Variants in PLIN4 observed in about 807,000 individuals in gnomAD.
The protein encoded by PLIN4 is perilipin-4.
In PLIN4, 57 loss-of-function variants were observed where a neutral mutation model predicts 52.4. That is an observed-to-expected ratio of 1.09 (90% CI 0.88 to 1.36). The LOEUF (loss-of-function observed/expected upper bound fraction) is 1.36. Among genes scored for constraint, PLIN4 ranks in the 40% most tolerant of loss-of-function variants. The pLI, the probability that PLIN4 is intolerant of heterozygous loss-of-function variation, is 0.00. For synonymous variants in PLIN4, 826 were observed against 785.4 expected, an observed-to-expected ratio of 1.05 and a Z score of -0.86; for missense variants, 1,757 against 1,770.3, an observed-to-expected ratio of 0.99 and a Z score of 0.13.
chr19:4,504,979 C>T, intron 6 of PLIN4, 32 bp from the exon 7 acceptor site: 1 of 1,563,722 alleles, frequency 6.4e-7, no homozygotes, highest in South Asian at 1.2e-5. Flanking sequence ...GAAATGATGG[C>T]TTCTTGGCAA....
chr19:4,511,862 C>A lies in PLIN4; in HGVS notation c.2098G>T (p.Val700Phe). The A allele has an allele frequency of 6.2e-7, 1 of 1,609,940 alleles. No homozygotes were observed. The highest frequency in any genetic ancestry group is 8.5e-7 in the Non-Finnish European group (1 of 1,176,532). Residue 700 changes from valine (V) to phenylalanine (F), a missense_variant, in exon 5 of 8, where the codon GTC (valine) becomes TTC (phenylalanine). Physicochemically the swap from Val to Phe is conservative, Grantham distance 50 (BLOSUM62 -1). Coordinates refer to ENST00000301286, the MANE Select transcript of PLIN4 (RefSeq NM_001367868.2). ...ACTGCCCCCATGAGCCCAGTAGTGA[C>A]TGTGTCCTTGGTGCCGGTCAGCACG... ...KTVLTGTKDT[V>F]TTGLMGAVNV...
intron 3 of PLIN4, 110 bp from the exon 4 acceptor site, chr19:4,516,788 A>G: frequency 1.8e-6 from 2 of 1,125,996 alleles, no homozygotes; most frequent in African/African-American, 1.6e-5. Context: ...GGAATGTTTC[A>G]GCTACCCCGC....
chr19:4,504,626 C>T lies in PLIN4; in HGVS notation c.3949G>A (p.Ala1317Thr). The T allele has an allele frequency of 6.2e-7, 1 of 1,603,892 alleles. No homozygotes were observed. The highest frequency in any genetic ancestry group is 8.5e-7 in the Non-Finnish European group (1 of 1,178,078). The change falls in exon 8 of 8, where the codon GCC becomes ACC. Residue 1317 changes from alanine to threonine, a missense_variant. This residue lies in a region of PLIN4 where 712 missense variants were observed against 637.1 expected (regional missense o/e 1.12). Coordinates refer to ENST00000301286, the MANE Select transcript of PLIN4 (RefSeq NM_001367868.2). The part of the protein sequence containing the change: ...HSLCELYGIV[A>T]SAGSVEELPA... ...AGCTCCTCTACAGAGCCAGCTGAGGCCACGATGCCATAGAGCTCACAGAGG... is the reference window on the plus strand; with the variant it reads ...AGCTCCTCTACAGAGCCAGCTGAGGTCACGATGCCATAGAGCTCACAGAGG...
At position 4,517,091 on chromosome 19, in the gene PLIN4, C is replaced by T. The variant is rs549891563; in HGVS notation, c.197-413G>A. Among the ~76,000 whole-genome samples, 257 of 152,284 alleles carry T rather than the reference C, an allele frequency of 1.7e-3. 1 individual carries two copies. Among genetic ancestry groups the T allele is most frequent in the Non-Finnish European group, 2.9e-3 (195 of 68,006 alleles). On this transcript the variant is annotated intron_variant, in intron 3 of 7. Transcript: ENST00000301286. Reference sequence around the variant, plus strand: ...CTGGGGCTCTGGGCCCAGAGGGAGGCCCAGCTCAGGCGGCTGCCCCAACCC... The same window carrying T: ...CTGGGGCTCTGGGCCCAGAGGGAGGTCCAGCTCAGGCGGCTGCCCCAACCC...
At position 4,504,939 on chromosome 19, in the gene PLIN4, CT is replaced by C. The variant is rs1214742033; in HGVS notation, c.3710del (p.Lys1237ArgfsTer86). The C allele has an allele frequency of 6.2e-7, 1 of 1,603,424 alleles. No homozygotes were observed. Among genetic ancestry groups the C allele is most frequent in the East Asian group, 2.2e-5 (1 of 44,588 alleles). The stretch of plus-strand genomic sequence containing the variant: ...GCTGCCCTTCTGGAGCCTGCTGGGC[CT>C]TTTCAATCTGGAGAGAGAGTACAGT... Reference protein sequence around the residue: ...QLQDCFRLIEKAQQAPEGQPR... With the variant: ...QLQDCFRLIEXAQQAPEGQPR... On this transcript the variant is annotated frameshift_variant, in exon 7 of 8. Coordinates refer to ENST00000301286, the MANE Select transcript of PLIN4 (RefSeq NM_001367868.2). LOFTEE classifies it high-confidence loss of function.
In PLIN4 at chr19:4,511,983, G is replaced by A. The variant is rs759029294; in HGVS notation, c.1977C>T (p.Ile659=). 6.8e-6 allele frequency: 11 copies of A among 1,606,848 alleles called. No individual in the cohort carries two copies. The highest frequency in any genetic ancestry group is 1.4e-5 in the African/African-American group (1 of 73,008). Residue 659 remains isoleucine (I), a synonymous_variant, in exon 5 of 8, where the codon ATC becomes ATT. Transcript: ENST00000301286. ...CAAAGGTGTTCTTTGTACCTGTCGC[G>A]ATATTTTGGGTCGTTTTCAGCCCAG... The part of the protein sequence containing the change: ...VQTGLKTTQN[I]ATGTKNTFGS...
chr19:4,515,879 C>T (rs528182036), intron 4 of PLIN4, among the ~76,000 whole-genome samples: 3 of 152,334 alleles, frequency 2.0e-5, no homozygotes, highest in Admixed American at 2.0e-4. Context: ...GGTTCAAGTC[C>T]CAGCTTTTTA....
rs1976295969 is a variant in PLIN4, at chr19:4,511,061, C to T, written c.2899G>A (p.Gly967Arg). Residue 967 changes from glycine (G) to arginine (R), a missense_variant, in exon 5 of 8, where the codon GGA (glycine) becomes AGA (arginine). By Grantham distance (125) the Gly-to-Arg change is moderately radical. This residue lies in a region of PLIN4 where 712 missense variants were observed against 637.1 expected (regional missense o/e 1.12). Transcript: ENST00000301286. Reference protein sequence around the residue: ...LSGAKDAVTTGVTGAVNVAKG... With the variant: ...LSGAKDAVTTRVTGAVNVAKG... ...GCCACATTCACTGCCCCCGTGACTCCAGTAGTCACTGCATCCTTAGCGCCA... is the reference window on the plus strand; with the variant it reads ...GCCACATTCACTGCCCCCGTGACTCTAGTAGTCACTGCATCCTTAGCGCCA... The T allele has an allele frequency of 3.7e-6, 6 of 1,613,432 alleles. No individual in the cohort carries two copies. The African/African-American group carries it at 4.0e-5, about 11-fold the overall frequency.
At position 4,512,918 on chromosome 19, in the gene PLIN4, C is replaced by T. The variant is rs775923942; in HGVS notation, c.1042G>A (p.Ala348Thr). The T allele has an allele frequency of 5.7e-6, 9 of 1,577,380 alleles. 2 individuals carry two copies. Among genetic ancestry groups the T allele is most frequent in the Middle Eastern group, 3.4e-4 (2 of 5,944 alleles). ...ACGCCGGTCTGGATGGTTCCTTTGG[C>T]CACATTCATGGCACCAGTCACCCCA... is the stretch of plus-strand genomic sequence containing the variant. Reference protein sequence around the residue: ...CSGVTGAMNVAKGTIQTGVDT... With the variant: ...CSGVTGAMNVTKGTIQTGVDT... The change falls in exon 5 of 8, where the codon GCC (alanine) becomes ACC (threonine). Residue 348 changes from alanine to threonine, a missense_variant. This residue lies in a region of PLIN4 where 99 missense variants were observed against 143.4 expected (regional missense o/e 0.69). Coordinates refer to ENST00000301286, the MANE Select transcript of PLIN4 (RefSeq NM_001367868.2).
In PLIN4 at chr19:4,511,072, G is replaced by A; in HGVS notation, c.2888C>T (p.Ala963Val). 6.2e-7 allele frequency: 1 copy of A among 1,613,608 alleles called. No individual in the cohort carries two copies. Among genetic ancestry groups the A allele is most frequent in the Non-Finnish European group, 8.5e-7 (1 of 1,179,882 alleles). ...AKTVLSGAKD[A>V]VTTGVTGAVN... ...TGCCCCCGTGACTCCAGTAGTCACT[G>A]CATCCTTAGCGCCACTCAGCACCGT... The change falls in exon 5 of 8, where the codon GCA (alanine) becomes GTA (valine). Residue 963 changes from alanine (A) to valine (V), a missense_variant. Physicochemically the swap from Ala to Val is moderately conservative, Grantham distance 64. Coordinates refer to ENST00000301286, the MANE Select transcript of PLIN4 (RefSeq NM_001367868.2).
chr19:4,512,814 T>C lies in PLIN4; in HGVS notation c.1146A>G (p.Lys382=). The change falls in exon 5 of 8, where the codon AAA becomes AAG. Residue 382 remains lysine (K), a synonymous_variant. Coordinates refer to ENST00000301286, the MANE Select transcript of PLIN4 (RefSeq NM_001367868.2). ...SGVTGAVNLA[K]EAIQGGLDTT... The stretch of plus-strand genomic sequence containing the variant: ...TATCCAGGCCCCCCTGGATGGCCTC[T>C]TTGGCCAAGTTCACGGCACCGGTCA... The C allele has an allele frequency of 6.4e-7, 1 of 1,563,912 alleles. No homozygotes were observed. Among genetic ancestry groups the C allele is most frequent in the South Asian group, 1.1e-5 (1 of 89,920 alleles).
Position 4,517,564 on chromosome 19 carries a change from T to TG in PLIN4, c.185dup (p.Gln63ThrfsTer56). The stretch of plus-strand genomic sequence containing the variant: ...GGGCCAGCCACTCACCCTGAGCCTG[T>TG]GGTTGGGCAGCCTCGGCAGCAGGCG... On this transcript the variant is annotated frameshift_variant, in exon 3 of 8. Transcript: ENST00000301286. LOFTEE classifies it high-confidence loss of function. The TG allele has an allele frequency of 6.2e-7, 1 of 1,609,266 alleles. No individual in the cohort carries two copies. The highest frequency in any genetic ancestry group is 8.5e-7 in the Non-Finnish European group (1 of 1,178,468).
Position 4,510,558 on chromosome 19 carries a change from C to T in PLIN4, c.3402G>A (p.Thr1134=), listed in dbSNP as rs372477849. 292 of 1,499,690 alleles carry T rather than the reference C, an allele frequency of 1.9e-4. No homozygotes were observed. In the Middle Eastern group the frequency reaches 2.7e-3, roughly 14 times the overall value. 92.9% of individuals were successfully genotyped at this position (1,499,690 alleles called of 1,614,324 possible). Residue 1134 remains threonine (T), a synonymous_variant, in exon 5 of 8, where the codon ACG becomes ACA. Coordinates refer to ENST00000301286, the MANE Select transcript of PLIN4 (RefSeq NM_001367868.2). ...TQGAAPGRED[T]GLLATTHGPE... is the part of the protein sequence containing the mutation. ...GGCCGTGTGTGGTGGCCAAAAGCCC[C>T]GTGTCCTCCCTGCCTGGGGCGGCCC...
At chr19:4,517,820 A>G (rs1216442219) in intron 2 of PLIN4, 122 bp from the exon 3 acceptor site, 1 of 1,315,498 alleles carries the variant, frequency 7.6e-7, no homozygotes, top group Non-Finnish European at 1.0e-6. Context: ...TGACCTCAGG[A>G]AAGTGTTTCA....
chr19:4,505,016 C>T, intron 6 of PLIN4, 69 bp from the exon 7 acceptor site: 2 of 1,425,322 alleles, frequency 1.4e-6, no homozygotes, highest in African/African-American at 1.4e-5. Context: ...CCCACCTCCC[C>T]CTCCCCCAGG....
rs756421677 is a variant in PLIN4, at chr19:4,510,948, G to T, written c.3012C>A (p.Ala1004=). The T allele has an allele frequency of 9.5e-6, 15 of 1,583,380 alleles. No homozygotes were observed. The highest frequency in any genetic ancestry group is 1.3e-5 in the Non-Finnish European group (15 of 1,166,568). ...KDTVFSGVTG[A]MSMAKGAVQG... The stretch of plus-strand genomic sequence containing the variant: ...GGACGGCCCCTTTGGCCATGCTCAT[G>T]GCACCGGTAACCCCACTGAAGACAG... The change falls in exon 5 of 8, where the codon GCC becomes GCA. Residue 1004 remains alanine (A), a synonymous_variant. Transcript: ENST00000301286.
Position 4,513,313 on chromosome 19 carries a change from G to A in PLIN4, c.647C>T (p.Ala216Val). The A allele has an allele frequency of 6.2e-7, 1 of 1,613,600 alleles. No individual in the cohort carries two copies. The highest frequency in any genetic ancestry group is 8.5e-7 in the Non-Finnish European group (1 of 1,179,844). The part of the protein sequence containing the change: ...TTGVMGAVNL[A>V]KGTVQTGVET... ...CACGCCAGTCTGGACAGTCCCTTTG[G>A]CCAAGTTCACTGCCCCCATGACCCC... is the stretch of plus-strand genomic sequence containing the variant. The change falls in exon 5 of 8, where the codon GCC becomes GTC. Residue 216 changes from alanine (A) to valine (V), a missense_variant. Ala to Val is a moderately conservative substitution (Grantham distance 64). This residue lies in a region of PLIN4 where 332 missense variants were observed against 310.8 expected (regional missense o/e 1.07). Transcript: ENST00000301286.
Position 4,517,709 on chromosome 19 carries a change from G to A in PLIN4, c.52-11C>T, listed in dbSNP as rs1455735305. 3 of 1,574,924 alleles carry A rather than the reference G, an allele frequency of 1.9e-6. No homozygotes were observed. Among genetic ancestry groups the A allele is most frequent in the Non-Finnish European group, 2.6e-6 (3 of 1,160,770 alleles). On this transcript the variant is annotated splice_polypyrimidine_tract_variant and intron_variant, in intron 2 of 7. Coordinates refer to ENST00000301286, the MANE Select transcript of PLIN4 (RefSeq NM_001367868.2). ...GAAGCTGCCCAGGGTCTGCATGGGG[G>A]CGGGGGGTGTGCAGGATGAGCAGGC...
chr19:4,517,345 G>A (rs1976611747), intron 3 of PLIN4, among the ~76,000 whole-genome samples: 1 of 152,200 alleles, frequency 6.6e-6, no homozygotes, highest in Non-Finnish European at 1.5e-5. Context: ...CAGGGAGACA[G>A]GCTGGGTTGA....
Sources: gnomAD v4.1 joint callset for allele counts (sites outside exome capture counted in the v4.1 genomes callset) on GRCh38, gnomAD v4.1.1 for gene constraint, gnomAD v4.1.1 regional missense constraint, MANE v1.5 for transcripts, NCBI Gene and HGNC (gene_info 2026-07-23, HGNC 2026-07-21) for gene names.